PTPN11: variants seen among roughly 807,000 people sequenced by gnomAD.
PTPN11 encodes the protein protein tyrosine phosphatase non-receptor type 11, also known as tyrosine-protein phosphatase non-receptor type 11.
PTPN11 carries 6 observed loss-of-function variants against 78.8 expected under a neutral mutation model. That is an observed-to-expected ratio of 0.08 (90% CI 0.04 to 0.15). PTPN11 has a LOEUF of 0.15. Ranked by LOEUF, PTPN11 falls within the 10% of genes least tolerant of loss-of-function variation. The pLI is 1.00. For missense variants in PTPN11, 386 were observed against 744.8 expected (o/e 0.52, Z 5.61); for synonymous variants, 221 against 263.5 (o/e 0.84, Z 1.56).
chr12:112,495,153 A>G (rs2038799005), intron 13 of PTPN11, among the ~76,000 whole-genome samples: 2 of 152,220 alleles, frequency 1.3e-5, no homozygotes, highest in Non-Finnish European at 2.9e-5. Flanking sequence ...ATTTTACCTA[A>G]CCATGATACA....
intron 13 of PTPN11, 100 bp downstream of exon 13, chr12:112,489,275 G>C: frequency 7.1e-7 from 1 of 1,407,036 alleles, no homozygotes; most frequent in Non-Finnish European, 1.0e-6. Flanking sequence ...ATAGACAACT[G>C]TTTGATTTCG....
rs121918453 is a variant in PTPN11 at position 112,450,394 on chromosome 12, G to T, written c.214G>T (p.Ala72Ser). ...TGACCTGTATGGAGGGGAGAAATTT[G>T]CCACTTTGGCTGAGTTGGTCCAGTA... ...YYDLYGGEKF[A>S]TLAELVQYYM... Residue 72 changes from alanine (A) to serine (S), a missense_variant, in exon 3 of 16, where the codon GCC becomes TCC. By Grantham distance (99) the Ala-to-Ser change is moderately conservative (BLOSUM62 1). Around this residue, in one of 3 missense-constraint regions of PTPN11, gnomAD observed 279 missense variants for 503.3 expected, o/e 0.55. Transcript: ENST00000351677. 1 of 1,613,602 alleles carries T rather than the reference G, an allele frequency of 6.2e-7. No homozygotes were observed. The highest frequency in any genetic ancestry group is 8.5e-7 in the Non-Finnish European group (1 of 1,179,562).
chr12:112,486,294 A>C (rs2135911818), intron 10 of PTPN11, among the ~76,000 whole-genome samples, 181 bp from the exon 11 acceptor site: 1 of 152,318 alleles, frequency 6.6e-6, no homozygotes, highest in Non-Finnish European at 1.5e-5. Flanking sequence ...AGAGGCAAAG[A>C]GTTGCCTCCA....
intron 1 of PTPN11, among the ~76,000 whole-genome samples, chr12:112,444,228 A>G (rs575538585): frequency 6.6e-6 from 1 of 152,306 alleles, no homozygotes; most frequent in South Asian, 2.1e-4. Context: ...GGCTTTGCAA[A>G]TAATGCTGCT....
At position 112,504,654 on chromosome 12, in the gene PTPN11, C is replaced by G. The variant is rs369478639; in HGVS notation, c.1713-41C>G. 4 of 1,430,636 alleles carry G rather than the reference C, an allele frequency of 2.8e-6. No individual in the cohort carries two copies. The African/African-American group carries it at 5.7e-5, about 20-fold the overall frequency. 88.6% of individuals were successfully genotyped at this position (1,430,636 alleles called of 1,614,324 possible). ...ATCATGTAAGCTTAAACAGCGTGGT[C>G]TACATTTTTGTAAATGTCTTTCTTT... On this transcript the variant is annotated intron_variant, in intron 14 of 15. Coordinates refer to ENST00000351677, the MANE Select transcript of PTPN11 (RefSeq NM_002834.5). This position sits in a 1 kb window ranked among gnomAD's most constrained non-coding sequence, Gnocchi z 4.7.
chr12:112,455,608 A>G (rs536712832), intron 5 of PTPN11, among the ~76,000 whole-genome samples: 1 of 152,242 alleles, frequency 6.6e-6, no homozygotes, highest in Non-Finnish European at 1.5e-5. Context: ...AACCTCACTT[A>G]TTCACTTTGG....
At chr12:112,456,154 G>A (rs1456354079) in intron 6 of PTPN11, 91 bp downstream of exon 6, 2 of 859,420 alleles carry the variant, frequency 2.3e-6, no homozygotes, top group Non-Finnish European at 3.9e-6. Flanking sequence ...TTGGACCTGA[G>A]AGACTTGAAA....
chr12:112,420,064 AGGT>A, intron 1 of PTPN11, among the ~76,000 whole-genome samples: 1 of 152,336 alleles, frequency 6.6e-6, no homozygotes, highest in South Asian at 2.1e-4. Flanking sequence ...CACAGCTAGT[AGGT>A]GGTGGAGACA....
chr12:112,476,231 C>T (rs1206827136), intron 7 of PTPN11, among the ~76,000 whole-genome samples: 2 of 152,076 alleles, frequency 1.3e-5, no homozygotes, highest in Non-Finnish European at 2.9e-5. Flanking sequence ...ATCGCTTTTT[C>T]CTCCCTTAAA....
At chr12:112,458,391 G>A (rs2038197573) in intron 6 of PTPN11, among the ~76,000 whole-genome samples, 1 of 152,070 alleles carries the variant, frequency 6.6e-6, no homozygotes, top group Non-Finnish European at 1.5e-5. Flanking sequence ...TTCATTTTTT[G>A]TAGATATGGG....
rs1835613316 is a variant in PTPN11, at chr12:112,509,702, T to C, written c.*3910T>C. On this transcript the variant is annotated 3_prime_UTR_variant, in exon 16 of 16. Transcript: ENST00000351677. ...ATTGCCTTTTTGCCCACGTATATTATGTAGTCTATTTGCAACTGTTCTTAA... is the reference window on the plus strand; with the variant it reads ...ATTGCCTTTTTGCCCACGTATATTACGTAGTCTATTTGCAACTGTTCTTAA... 6.6e-6 allele frequency: 1 copy of C among 152,666 alleles called. No individual in the cohort carries two copies. The highest frequency in any genetic ancestry group is 6.5e-5 in the Admixed American group (1 of 15,290). The allele number at this position is 152,666 out of a possible 1,614,324, so 9.5% of individuals were successfully genotyped here. A position where few individuals can be genotyped will look rare whatever the true frequency, so the allele number is the denominator to read the frequency against.
intron 13 of PTPN11, among the ~76,000 whole-genome samples, chr12:112,490,792 A>G (rs73209633): frequency 0.083 from 12,658 of 152,254 alleles, 723 homozygotes; most frequent in Non-Finnish European, 0.12. Context: ...TTTATTTTAA[A>G]AAATGAAATC....
At chr12:112,505,464 C>G (rs12317018) in intron 15 of PTPN11, among the ~76,000 whole-genome samples, 1 of 151,820 alleles carries the variant, frequency 6.6e-6, no homozygotes, top group Non-Finnish European at 1.5e-5. Flanking sequence ...GTCAGGAGTT[C>G]GAGACCAGCC....
intron 6 of PTPN11, among the ~76,000 whole-genome samples, chr12:112,461,245 C>G (rs1417101859): frequency 6.6e-6 from 1 of 151,812 alleles, no homozygotes; most frequent in African/African-American, 2.4e-5. Context: ...TATCATTCTT[C>G]TTCATTTGTT....
intron 14 of PTPN11, among the ~76,000 whole-genome samples, chr12:112,503,386 C>G (rs903074768): frequency 1.3e-5 from 2 of 152,166 alleles, no homozygotes; most frequent in African/African-American, 4.8e-5. Context: ...AATCTTCTCT[C>G]TGTTTGCTTT....
intron 1 of PTPN11, among the ~76,000 whole-genome samples, chr12:112,424,875 GTGTGTGTGTGTGTGTA>G (rs1182463674): frequency 3.5e-5 from 5 of 143,266 alleles, no homozygotes; most frequent in African/African-American, 8.0e-5. Context: ...AATTGTGTGT[GTGTGTGTGTGTGTGTA>G]TGTGTGTGTG....
intron 6 of PTPN11, among the ~76,000 whole-genome samples, chr12:112,460,713 G>A (rs1176740946): frequency 4.6e-5 from 7 of 152,070 alleles, no homozygotes; most frequent in African/African-American, 7.2e-5. Context: ...GTGGTAGTGC[G>A]TGCCTGTAGT....
At chr12:112,422,367 G>A (rs1030585418) in intron 1 of PTPN11, among the ~76,000 whole-genome samples, 4 of 152,204 alleles carry the variant, frequency 2.6e-5, no homozygotes, top group Non-Finnish European at 5.9e-5. Flanking sequence ...TCATGTAGCA[G>A]TGATAGTACT....
chr12:112,464,070 A>G (rs1705132573), intron 6 of PTPN11, among the ~76,000 whole-genome samples: 1 of 152,178 alleles, frequency 6.6e-6, no homozygotes, highest in Admixed American at 6.5e-5. Flanking sequence ...GCAGGTGATA[A>G]ATTTGGGATC....
Sources: allele counts gnomAD v4.1 joint callset (sites outside exome capture counted in the v4.1 genomes callset), GRCh38; gene constraint gnomAD v4.1.1; regional missense constraint gnomAD v4.1.1; non-coding constraint Gnocchi (gnomAD v3.1); transcripts MANE v1.5; gene names NCBI Gene and HGNC (gene_info 2026-07-23, HGNC 2026-07-21).